Variants in AUTS2 observed in about 807,000 individuals in gnomAD.
The protein encoded by AUTS2 is autism susceptibility gene 2 protein.
In AUTS2, 17 loss-of-function variants were observed where a neutral mutation model predicts 112.4. The ratio of observed to expected loss-of-function variants is 0.15; its 90% CI spans 0.10 to 0.23. AUTS2 has a LOEUF of 0.23. Ranked by LOEUF, AUTS2 falls within the 10% of genes least tolerant of loss-of-function variation. AUTS2 has a pLI of 1.00. For synonymous variants in AUTS2, 751 were observed against 702.7 expected (o/e 1.07, Z -1.09); for missense variants, 1,510 against 1,701.6 (o/e 0.89, Z 1.98).
At chr7:70,218,956 G>A (rs1811321507) in intron 4 of AUTS2, among the ~76,000 whole-genome samples, 1 of 152,092 alleles carries the variant, frequency 6.6e-6, no homozygotes, top group South Asian at 2.1e-4. Context: ...AAAAAAAATA[G>A]TAGTAAGATT....
At chr7:70,107,556 A>G (rs1157432798) in intron 2 of AUTS2, among the ~76,000 whole-genome samples, 1 of 148,716 alleles carries the variant, frequency 6.7e-6, no homozygotes, top group Non-Finnish European at 1.5e-5. Flanking sequence ...ATTGGCCAGG[A>G]TGGTCTCAAT....
At chr7:69,925,204 ATCT>A (rs1165078218) in intron 2 of AUTS2, among the ~76,000 whole-genome samples, 1 of 151,888 alleles carries the variant, frequency 6.6e-6, no homozygotes, top group East Asian at 1.9e-4. Context: ...AATTTTATTG[ATCT>A]TCTTGAAGAA....
chr7:69,981,629 G>C (rs141743843), intron 2 of AUTS2, among the ~76,000 whole-genome samples: 1 of 152,044 alleles, frequency 6.6e-6, no homozygotes, highest in Admixed American at 6.6e-5. Flanking sequence ...CACTATCAGC[G>C]CTTAAGAGTC....
chr7:70,775,773 G>A (rs944721537), intron 13 of AUTS2, among the ~76,000 whole-genome samples: 18 of 152,144 alleles, frequency 1.2e-4, no homozygotes, highest in African/African-American at 3.9e-4. Context: ...TCTTTCTGTA[G>A]TAAGTGACAT....
intron 1 of AUTS2, among the ~76,000 whole-genome samples, chr7:69,726,585 G>A (rs1786527174): frequency 6.6e-6 from 1 of 151,104 alleles, no homozygotes; most frequent in Admixed American, 6.6e-5. Flanking sequence ...TTTTGTTATA[G>A]GTATGTCAGT....
At chr7:70,546,638 G>A (rs1385786048) in intron 5 of AUTS2, among the ~76,000 whole-genome samples, 1 of 151,250 alleles carries the variant, frequency 6.6e-6, no homozygotes, top group Admixed American at 6.6e-5. Context: ...AATTAGCCGG[G>A]CATGGTGGCG....
Position 70,088,173 on chromosome 7 carries a change from G to C in AUTS2, c.523-29959G>C, listed in dbSNP as rs147487678. Among the ~76,000 whole-genome samples the C allele has an allele frequency of 6.5e-3, 993 of 152,146 alleles. 8 individuals carry two copies. Among genetic ancestry groups the C allele is most frequent in the African/African-American group, 0.022 (928 of 41,524 alleles). On this transcript the variant is annotated intron_variant, in intron 2 of 18. Coordinates refer to ENST00000342771, the MANE Select transcript of AUTS2 (RefSeq NM_015570.4). ...GAGTCTTGCTCTGTCGCCCAGGCTG[G>C]AGTGCAGTGGCGTGATCTCAGATCA... is the stretch of plus-strand genomic sequence containing the variant.
At chr7:70,556,526 G>C (rs1284839572) in intron 5 of AUTS2, among the ~76,000 whole-genome samples, 1 of 152,182 alleles carries the variant, frequency 6.6e-6, no homozygotes, top group African/African-American at 2.4e-5. Context: ...CGAGGCTTTA[G>C]TTACTTGACT....
At position 70,267,603 on chromosome 7, in the gene AUTS2, A is replaced by G. The variant is rs542087538; in HGVS notation, c.660+133032A>G. On this transcript the variant is annotated intron_variant, in intron 4 of 18. Coordinates refer to ENST00000342771, the MANE Select transcript of AUTS2 (RefSeq NM_015570.4). ...CCTGAATTTCGTTAGCTGTGTGACA[A>G]TGGGAGAGATAAGTAGATGTGACAG... 8.7e-4 allele frequency among the ~76,000 whole-genome samples: 133 copies of G among 152,276 alleles called. 1 individual carries two copies. The highest frequency in any genetic ancestry group is 3.1e-3 in the African/African-American group (129 of 41,560).
chr7:70,672,121 T>C (rs1807675323), intron 5 of AUTS2, among the ~76,000 whole-genome samples: 1 of 152,168 alleles, frequency 6.6e-6, no homozygotes, highest in African/African-American at 2.4e-5. Context: ...TTGTTGATTT[T>C]TAAAGTGCCA....
chr7:69,686,921 T>C (rs1797088687), intron 1 of AUTS2, among the ~76,000 whole-genome samples: 1 of 152,174 alleles, frequency 6.6e-6, no homozygotes, highest in Admixed American at 6.5e-5. Flanking sequence ...ATATTTTGTT[T>C]TATAAAAGTA....
intron 1 of AUTS2, among the ~76,000 whole-genome samples, chr7:69,808,845 T>C (rs1352394111): frequency 6.6e-6 from 1 of 152,210 alleles, no homozygotes. Flanking sequence ...CATTGGCTCC[T>C]ACAGCTGCAT....
intron 4 of AUTS2, among the ~76,000 whole-genome samples, chr7:70,393,487 T>G (rs1181097948): frequency 3.3e-5 from 5 of 152,182 alleles, no homozygotes; most frequent in Admixed American, 3.3e-4. Context: ...GCCTGGCTTG[T>G]GAGGGATTTT....
intron 5 of AUTS2, among the ~76,000 whole-genome samples, chr7:70,607,822 G>A (rs1247651144): frequency 6.6e-6 from 1 of 152,194 alleles, no homozygotes; most frequent in Non-Finnish European, 1.5e-5. Context: ...GTTATGCATT[G>A]TAGAAGTAAA....
intron 1 of AUTS2, among the ~76,000 whole-genome samples, chr7:69,703,310 A>G (rs1004328630): frequency 1.3e-5 from 2 of 152,152 alleles, no homozygotes; most frequent in African/African-American, 4.8e-5. Flanking sequence ...GGTTTACTTT[A>G]TTGGCCTGAT....
chr7:70,741,083 G>T (rs532449773), intron 6 of AUTS2, among the ~76,000 whole-genome samples: 1 of 150,410 alleles, frequency 6.6e-6, no homozygotes, highest in Non-Finnish European at 1.5e-5. Flanking sequence ...GACAGAGCGA[G>T]ACCCTGTCTC....
At chr7:69,820,010 A>C (rs1790917589) in intron 1 of AUTS2, among the ~76,000 whole-genome samples, 1 of 152,226 alleles carries the variant, frequency 6.6e-6, no homozygotes, top group Admixed American at 6.5e-5. Flanking sequence ...CCTAAGACTT[A>C]GTTTCTTGTC....
intron 4 of AUTS2, among the ~76,000 whole-genome samples, chr7:70,250,963 C>T (rs777899108): frequency 1.2e-4 from 19 of 152,138 alleles, no homozygotes; most frequent in South Asian, 2.1e-4. Context: ...CTCTGTGGCA[C>T]GCAGCTTACC....
intron 1 of AUTS2, among the ~76,000 whole-genome samples, chr7:69,654,443 A>G (rs1403790678): frequency 6.6e-6 from 1 of 152,238 alleles, no homozygotes; most frequent in Non-Finnish European, 1.5e-5. Flanking sequence ...ACATGTGCCC[A>G]GCACTGTGAC....
Sources: allele counts gnomAD v4.1 joint callset (sites outside exome capture counted in the v4.1 genomes callset), GRCh38; gene constraint gnomAD v4.1.1; transcripts MANE v1.5; gene names NCBI Gene and HGNC (gene_info 2026-07-23, HGNC 2026-07-21).